The following TBPL2 variants were observed in gnomAD, a reference collection of about 807,000 sequenced individuals.
The protein encoded by TBPL2 is TATA box-binding protein-like 2.
In TBPL2, 40 loss-of-function variants were observed where a neutral mutation model predicts 38.2. The observed-to-expected ratio is 1.05, with a 90% CI of 0.81 to 1.36. TBPL2 has a LOEUF of 1.36. TBPL2 is among the 40% of genes most tolerant of loss of function. The probability of loss-of-function intolerance (pLI) is 0.00; values close to 1 mark genes in which losing one functional copy is unlikely to be tolerated. For missense variants in TBPL2, 461 were observed against 456.7 expected, an observed-to-expected ratio of 1.01 and a Z score of -0.09; for synonymous variants, 169 against 171.7, an observed-to-expected ratio of 0.98 and a Z score of 0.12.
At chr14:55,432,973 T>C (rs2140177094) in intron 4 of TBPL2, among the ~76,000 whole-genome samples, 1 of 152,272 alleles carries the variant, frequency 6.6e-6, no homozygotes, top group African/African-American at 2.4e-5. Context: ...TTATCTGCAA[T>C]GAGGAAAATC....
intron 5 of TBPL2, among the ~76,000 whole-genome samples, chr14:55,427,710 G>C (rs1056735426): frequency 1.3e-5 from 2 of 152,046 alleles, no homozygotes; most frequent in East Asian, 1.9e-4. Flanking sequence ...CACCAAAACG[G>C]CTGGGGGCGG....
intron 4 of TBPL2, among the ~76,000 whole-genome samples, chr14:55,433,103 C>T (rs1264228327): frequency 6.6e-6 from 1 of 151,982 alleles, no homozygotes; most frequent in African/African-American, 2.4e-5. Context: ...ATAGGGGAAA[C>T]TGTAAAATGG....
chr14:55,417,044 G>T (rs1015097459), intron 6 of TBPL2, among the ~76,000 whole-genome samples: 2 of 152,166 alleles, frequency 1.3e-5, no homozygotes, highest in Non-Finnish European at 2.9e-5. Flanking sequence ...GGAGGCCCCT[G>T]GGGGGCGCCC....
intron 3 of TBPL2, among the ~76,000 whole-genome samples, chr14:55,435,079 G>GA (rs539980139): frequency 6.0e-4 from 90 of 149,018 alleles, no homozygotes; most frequent in South Asian, 3.2e-3. Flanking sequence ...TGAGGAGGAC[G>GA]AAAAAAAAAA....
At chr14:55,425,513 A>G (rs8004015) in intron 5 of TBPL2, among the ~76,000 whole-genome samples, 31,281 of 152,208 alleles carry the variant, frequency 0.21, 5,040 homozygotes, top group African/African-American at 0.45. Flanking sequence ...TGTGCTCCCA[A>G]TTAGGAATAT....
At position 55,437,028 on chromosome 14, in the gene TBPL2, T is replaced by A. The variant is rs540846450; in HGVS notation, c.151-10A>T. 18 of 1,610,922 alleles carry A rather than the reference T, an allele frequency of 1.1e-5. 1 individual carries two copies. The South Asian group carries it at 1.9e-4, about 17-fold the overall frequency. On this transcript the variant is annotated splice_polypyrimidine_tract_variant and intron_variant, in intron 1 of 6. Coordinates refer to ENST00000247219, the Ensembl canonical transcript of TBPL2. ...GTGGGGCAAGGCCATCCTAGGCAGT[T>A]CCCAAAACAGACAGACAAAAACACA...
chr14:55,432,153 A>G (rs1435451603), intron 4 of TBPL2, among the ~76,000 whole-genome samples: 1 of 151,968 alleles, frequency 6.6e-6, no homozygotes, highest in Non-Finnish European at 1.5e-5. Flanking sequence ...CACGCCTGTA[A>G]TCCCAGCACT....
Position 55,433,737 on chromosome 14 carries a change from A to G in TBPL2, c.697-16T>C, listed in dbSNP as rs946432281. ...CAGCAAACCTCTATACCCAGAAACC[A>G]AAAGAGAATTAGCCTCTGCTAGGAG... On this transcript the variant is annotated splice_polypyrimidine_tract_variant and intron_variant, in intron 3 of 6. Coordinates refer to ENST00000247219, the Ensembl canonical transcript of TBPL2. The G allele has an allele frequency of 6.2e-7, 1 of 1,611,734 alleles. No homozygotes were observed. The highest frequency in any genetic ancestry group is 2.2e-5 in the East Asian group (1 of 44,866).
chr14:55,437,072 T>TAC (rs1886028144), intron 1 of TBPL2, 54 bp from the exon 2 acceptor site: 1 of 1,490,572 alleles, frequency 6.7e-7, no homozygotes, highest in Non-Finnish European at 9.3e-7. Context: ...AACAGCATGT[T>TAC]ACACAAAAGG....
chr14:55,417,190 T>C (rs945926484), intron 6 of TBPL2, among the ~76,000 whole-genome samples: 2 of 152,188 alleles, frequency 1.3e-5, no homozygotes, highest in Non-Finnish European at 2.9e-5. Flanking sequence ...ACCTGAACCA[T>C]ACAGCAGCAG....
intron 4 of TBPL2, among the ~76,000 whole-genome samples, chr14:55,432,538 G>T (rs1167816764): frequency 2.7e-5 from 4 of 150,400 alleles, no homozygotes; most frequent in African/African-American, 9.9e-5. Context: ...AAAAACAAAA[G>T]ATAAATCTCT....
chr14:55,434,266 G>T (rs963825733), intron 3 of TBPL2, among the ~76,000 whole-genome samples: 1 of 152,178 alleles, frequency 6.6e-6, no homozygotes, highest in Non-Finnish European at 1.5e-5. Flanking sequence ...TGATGTCAAG[G>T]TTCTTGCCTC....
chr14:55,419,195 C>A (rs900195913), intron 6 of TBPL2, among the ~76,000 whole-genome samples: 4 of 152,202 alleles, frequency 2.6e-5, no homozygotes, highest in Admixed American at 2.0e-4. Flanking sequence ...GAGCCTGGCT[C>A]CTCACATGCC....
intron 5 of TBPL2, among the ~76,000 whole-genome samples, chr14:55,427,019 C>CA (rs1885836064): frequency 6.6e-6 from 1 of 152,192 alleles, no homozygotes; most frequent in South Asian, 2.1e-4. Flanking sequence ...AGAGTTCGGG[C>CA]AGAGCTCTTG....
At chr14:55,435,223 T>C (rs1424018187) in intron 3 of TBPL2, among the ~76,000 whole-genome samples, 1 of 152,186 alleles carries the variant, frequency 6.6e-6, no homozygotes, top group Non-Finnish European at 1.5e-5. Context: ...GCAAAAATTA[T>C]TTCCAGAAAT....
chr14:55,422,182 C>T (rs1450344316), intron 6 of TBPL2, among the ~76,000 whole-genome samples: 17 of 152,046 alleles, frequency 1.1e-4, no homozygotes, highest in Non-Finnish European at 2.5e-4. Flanking sequence ...AGATATGTAG[C>T]GTTAAGTTGG....
At chr14:55,422,002 TTAAAG>T (rs1215804997) in intron 6 of TBPL2, among the ~76,000 whole-genome samples, 3 of 152,172 alleles carry the variant, frequency 2.0e-5, no homozygotes, top group Non-Finnish European at 2.9e-5. Flanking sequence ...AATATAAAAA[TTAAAG>T]TAATGAGGGG....
chr14:55,419,211 C>T (rs1283332667), intron 6 of TBPL2, among the ~76,000 whole-genome samples: 1 of 152,206 alleles, frequency 6.6e-6, no homozygotes, highest in Admixed American at 6.5e-5. Flanking sequence ...ATGCCTGTTG[C>T]CCTGCGGCAC....
chr14:55,439,069 C>G (rs1886062550), intron 1 of TBPL2, among the ~76,000 whole-genome samples: 1 of 151,782 alleles, frequency 6.6e-6, no homozygotes, highest in African/African-American at 2.4e-5. Flanking sequence ...TCCCGAGTAG[C>G]TGGGACTACA....
Sources: gnomAD v4.1 joint callset for allele counts (sites outside exome capture counted in the v4.1 genomes callset) on GRCh38, gnomAD v4.1.1 for gene constraint, MANE v1.5 for transcripts, NCBI Gene and HGNC (gene_info 2026-07-23, HGNC 2026-07-21) for gene names.